CPO: variants seen among roughly 807,000 people sequenced by gnomAD.
CPO encodes the protein carboxypeptidase O.
In CPO, 43 loss-of-function variants were observed where a neutral mutation model predicts 41.2. The observed-to-expected ratio is 1.04, with a 90% CI of 0.82 to 1.35. The LOEUF (loss-of-function observed/expected upper bound fraction) is 1.35, where lower values mean the gene tolerates loss of function less well. Among genes scored for constraint, CPO ranks in the 40% most tolerant of loss-of-function variants. The probability of loss-of-function intolerance (pLI) is 0.00; values close to 1 mark genes in which losing one functional copy is unlikely to be tolerated. For missense variants in CPO, 408 were observed against 451.7 expected, an observed-to-expected ratio of 0.90 and a Z score of 0.88; for synonymous variants, 178 against 162.7, an observed-to-expected ratio of 1.09 and a Z score of -0.72.
In CPO at chr2:206,958,369, G is replaced by C; in HGVS notation, c.336G>C (p.Trp112Cys). Residue 112 changes from tryptophan (W) to cysteine (C), a missense_variant, in exon 4 of 9, where the codon TGG becomes TGC. Physicochemically the swap from Trp to Cys is radical, Grantham distance 215 (BLOSUM62 -2). Coordinates refer to ENST00000272852, the MANE Select transcript of CPO (RefSeq NM_173077.3). Reference sequence around the variant, plus strand: ...ACTGTGGAATTCACGCCAGAGAATGGATTGCTCCTGCTTTTTGCCAATGGT... The same window carrying C: ...ACTGTGGAATTCACGCCAGAGAATGCATTGCTCCTGCTTTTTGCCAATGGT... ...WMDCGIHARE[W>C]IAPAFCQWFV... The C allele has an allele frequency of 6.2e-7, 1 of 1,601,766 alleles. No homozygotes were observed. Among genetic ancestry groups the C allele is most frequent in the Non-Finnish European group, 8.5e-7 (1 of 1,173,866 alleles).
intron 4 of CPO, 124 bp from the exon 5 acceptor site, chr2:206,959,507 C>A (rs1307174627): frequency 3.3e-6 from 2 of 605,810 alleles, no homozygotes; most frequent in Non-Finnish European, 6.0e-6. Context: ...CGGAGGAGGG[C>A]TTGGGGACTG....
At chr2:206,955,777 T>C (rs1340145384) in intron 3 of CPO, among the ~76,000 whole-genome samples, 1 of 152,138 alleles carries the variant, frequency 6.6e-6, no homozygotes, top group Admixed American at 6.5e-5. Flanking sequence ...GAAGAGAATT[T>C]TGGAGAACTG....
At chr2:206,968,485 G>C in intron 8 of CPO, 138 bp downstream of exon 8, 1 of 642,504 alleles carries the variant, frequency 1.6e-6, no homozygotes. Flanking sequence ...AAATGACCAA[G>C]GATAAAAGGG....
Position 206,969,348 on chromosome 2 carries a change from C to G in CPO, c.1037C>G (p.Ala346Gly). The part of the protein sequence containing the change: ...AVLSVLDDVY[A>G]KHWHSDSAGR... ...CTGTCAGTCCTGGATGATGTGTATG[C>G]GAAACACTGGCACTCGGACAGTGCT... Residue 346 changes from alanine to glycine, a missense_variant, in exon 9 of 9, where the codon GCG becomes GGG. By Grantham distance (60) the Ala-to-Gly change is moderately conservative (BLOSUM62 0). Coordinates refer to ENST00000272852, the MANE Select transcript of CPO (RefSeq NM_173077.3). 6.2e-7 allele frequency: 1 copy of G among 1,613,930 alleles called. No individual in the cohort carries two copies. Among genetic ancestry groups the G allele is most frequent in the Non-Finnish European group, 8.5e-7 (1 of 1,179,964 alleles).
chr2:206,968,385 G>A, intron 8 of CPO, 38 bp downstream of exon 8: 1 of 1,232,156 alleles, frequency 8.1e-7, no homozygotes, highest in Non-Finnish European at 1.2e-6. Flanking sequence ...AGTATCTAAG[G>A]CACAAAAGAA....
Position 206,962,502 on chromosome 2 carries a change from TAGAG to T in CPO, c.668_671del (p.Glu223AlafsTer10). On this transcript the variant is annotated frameshift_variant, in exon 7 of 9. Transcript: ENST00000272852. LOFTEE classifies it high-confidence loss of function. ...GAGACTAAAGCTGTTGCCAGCTTCATAGAGAGCAAGAAGGATGATATTTTGTGCT... is the reference window on the plus strand; with the variant it reads ...GAGACTAAAGCTGTTGCCAGCTTCATAGCAAGAAGGATGATATTTTGTGCT... The T allele has an allele frequency of 6.2e-7, 1 of 1,614,118 alleles. No individual in the cohort carries two copies.
At chr2:206,945,972 A>T (rs1015277401) in intron 1 of CPO, among the ~76,000 whole-genome samples, 5 of 145,806 alleles carry the variant, frequency 3.4e-5, no homozygotes, top group South Asian at 2.1e-4. Flanking sequence ...AAATTTTTTT[A>T]AATTAAAAAA....
At chr2:206,965,938 T>A (rs1693567964) in intron 7 of CPO, among the ~76,000 whole-genome samples, 2 of 152,080 alleles carry the variant, frequency 1.3e-5, no homozygotes, top group African/African-American at 2.4e-5. Flanking sequence ...GAAGTTGAAT[T>A]CGGTAGTCTG....
At chr2:206,945,776 T>C (rs1693132335) in intron 1 of CPO, among the ~76,000 whole-genome samples, 1 of 151,852 alleles carries the variant, frequency 6.6e-6, no homozygotes, top group South Asian at 2.1e-4. Flanking sequence ...AAAAATTGAA[T>C]AGATAGTTAA....
chr2:206,954,603 A>G (rs758727658), intron 2 of CPO, among the ~76,000 whole-genome samples: 6 of 152,168 alleles, frequency 3.9e-5, no homozygotes, highest in Non-Finnish European at 8.8e-5. Flanking sequence ...CCTTTTACCC[A>G]GTTCCAAAGT....
intron 1 of CPO, among the ~76,000 whole-genome samples, chr2:206,944,268 G>A (rs1025262858): frequency 1.6e-4 from 25 of 151,964 alleles, no homozygotes; most frequent in African/African-American, 5.1e-4. Context: ...CACGAAATTT[G>A]CTCCTGAAAA....
intron 1 of CPO, among the ~76,000 whole-genome samples, chr2:206,948,753 C>T (rs1440718391): frequency 1.3e-5 from 2 of 152,112 alleles, no homozygotes; most frequent in African/African-American, 4.8e-5. Flanking sequence ...AAAGTAAGAC[C>T]TTGTTTCAAA....
chr2:206,939,568 G>A lies in CPO; in HGVS notation c.-32G>A, dbSNP rs746128130. ...GGACACTTGATCCACTGCCAGAGAG[G>A]CCCAGAATTTTCTAACTTACTGTGT... On this transcript the variant is annotated 5_prime_UTR_variant, in exon 1 of 9. Transcript: ENST00000272852. 1.3e-6 allele frequency: 2 copies of A among 1,591,448 alleles called. No homozygotes were observed. Among genetic ancestry groups the A allele is most frequent in the Non-Finnish European group, 1.7e-6 (2 of 1,160,606 alleles).
intron 4 of CPO, among the ~76,000 whole-genome samples, chr2:206,959,022 T>G (rs1184849505): frequency 1.3e-5 from 2 of 152,120 alleles, no homozygotes; most frequent in East Asian, 3.9e-4. Flanking sequence ...ATTACAGGCA[T>G]GAGCCACCAT....
At chr2:206,942,438 A>G (rs1339338702) in intron 1 of CPO, among the ~76,000 whole-genome samples, 1 of 152,120 alleles carries the variant, frequency 6.6e-6, no homozygotes, top group Non-Finnish European at 1.5e-5. Context: ...CAGAAAAATA[A>G]AGTTTGAAAA....
At chr2:206,940,640 G>T (rs1693011240) in intron 1 of CPO, among the ~76,000 whole-genome samples, 1 of 152,010 alleles carries the variant, frequency 6.6e-6, no homozygotes, top group South Asian at 2.1e-4. Context: ...GTGTATGTGT[G>T]TGTGTATAGT....
intron 1 of CPO, among the ~76,000 whole-genome samples, chr2:206,944,968 CAATTTTT>C (rs567075791): frequency 3.9e-5 from 6 of 152,100 alleles, no homozygotes; most frequent in African/African-American, 1.4e-4. Context: ...ATTCTTTGTA[CAATTTTT>C]ATTTTTAATA....
intron 7 of CPO, 122 bp from the exon 8 acceptor site, chr2:206,968,141 C>T (rs963365134): frequency 1.1e-5 from 8 of 717,844 alleles, no homozygotes; most frequent in Non-Finnish European, 1.8e-5. Flanking sequence ...TGTAGATGTC[C>T]GATGGGAAGT....
At chr2:206,947,613 A>G (rs562466504) in intron 1 of CPO, among the ~76,000 whole-genome samples, 2 of 152,250 alleles carry the variant, frequency 1.3e-5, no homozygotes, top group South Asian at 4.1e-4. Flanking sequence ...ACAAAAAGAC[A>G]AGCCACAAAC....
Sources: gnomAD v4.1 joint callset for allele counts (sites outside exome capture counted in the v4.1 genomes callset) on GRCh38, gnomAD v4.1.1 for gene constraint, MANE v1.5 for transcripts, NCBI Gene and HGNC (gene_info 2026-07-23, HGNC 2026-07-21) for gene names.